CPA6: variants seen among roughly 807,000 people sequenced by gnomAD.
CPA6 encodes the protein carboxypeptidase B.
Under a neutral mutation model 63.3 loss-of-function variants are expected in CPA6, and 58 were observed. The ratio of observed to expected loss-of-function variants is 0.92; its 90% CI spans 0.74 to 1.14. CPA6 has a LOEUF of 1.14. Among genes scored for constraint, CPA6 ranks in the 50% most tolerant of loss-of-function variants. The pLI is 0.00. For synonymous variants in CPA6, 185 were observed against 179.0 expected (o/e 1.03, Z -0.27); for missense variants, 565 against 526.6 (o/e 1.07, Z -0.71).
intron 8 of CPA6, among the ~76,000 whole-genome samples, chr8:67,458,200 T>TTTATG (rs1321402933): frequency 2.6e-5 from 4 of 151,886 alleles, no homozygotes; most frequent in African/African-American, 9.7e-5. Context: ...GGCGATCACT[T>TTTATG]TATTTATTTT....
intron 2 of CPA6, among the ~76,000 whole-genome samples, chr8:67,623,411 CTTT>C (rs879384048): frequency 6.8e-6 from 1 of 147,086 alleles, no homozygotes; most frequent in Non-Finnish European, 1.5e-5. Context: ...AGAAAATTTT[CTTT>C]TTTTTTTTCT....
chr8:67,446,090 C>T (rs1810405694), intron 8 of CPA6, among the ~76,000 whole-genome samples: 1 of 152,106 alleles, frequency 6.6e-6, no homozygotes, highest in South Asian at 2.1e-4. Context: ...CCGTGAAACC[C>T]TGTCTCTACT....
At chr8:67,622,099 T>C (rs748444014) in intron 2 of CPA6, among the ~76,000 whole-genome samples, 2 of 152,240 alleles carry the variant, frequency 1.3e-5, no homozygotes, top group Non-Finnish European at 2.9e-5. Flanking sequence ...CATTACTTTG[T>C]AAGGCCTAAC....
At chr8:67,484,155 C>T (rs535666655) in intron 7 of CPA6, among the ~76,000 whole-genome samples, 4 of 152,164 alleles carry the variant, frequency 2.6e-5, no homozygotes, top group Admixed American at 6.5e-5. Context: ...CTGCAAGTTC[C>T]GCCTCCCGGG....
chr8:67,526,496 T>A (rs757158632), intron 2 of CPA6, among the ~76,000 whole-genome samples: 1 of 152,302 alleles, frequency 6.6e-6, no homozygotes, highest in South Asian at 2.1e-4. Flanking sequence ...CAGAGGAACA[T>A]TATAGTCTTG....
chr8:67,491,336 A>G (rs1811601768), intron 6 of CPA6, among the ~76,000 whole-genome samples: 1 of 151,940 alleles, frequency 6.6e-6, no homozygotes, highest in Admixed American at 6.6e-5. Flanking sequence ...TTTGAAAGTA[A>G]CGAGAAGAAA....
chr8:67,554,114 A>G (rs1336308690), intron 2 of CPA6, among the ~76,000 whole-genome samples: 1 of 152,224 alleles, frequency 6.6e-6, no homozygotes, highest in Non-Finnish European at 1.5e-5. Flanking sequence ...GGACGTGTCT[A>G]TTACACTCTT....
Position 67,510,782 on chromosome 8 carries a change from C to T in CPA6, c.432+759G>A, listed in dbSNP as rs145237452. ...TGTTTGCCTGCCACTGGAGTTACAG[C>T]GGTGAATAAGAAAGAAGTGGCCTGC... is the stretch of plus-strand genomic sequence containing the variant. On this transcript the variant is annotated intron_variant, in intron 4 of 10. Transcript: ENST00000297770. Among the ~76,000 whole-genome samples the T allele has an allele frequency of 1.0e-3, 157 of 152,170 alleles. 1 individual carries two copies. The highest frequency in any genetic ancestry group is 3.6e-3 in the African/African-American group (149 of 41,524).
chr8:67,738,761 C>A (rs1423111573), intron 1 of CPA6, among the ~76,000 whole-genome samples: 1 of 48,438 alleles, frequency 2.1e-5, no homozygotes, highest in African/African-American at 6.1e-5. Flanking sequence ...TTGTATTACG[C>A]ATTAAAGCAC....
intron 8 of CPA6, among the ~76,000 whole-genome samples, chr8:67,436,290 G>A (rs1018947047): frequency 2.0e-5 from 3 of 152,026 alleles, no homozygotes; most frequent in Admixed American, 1.3e-4. Context: ...GGAGCCCAGG[G>A]TAGGGGTTTC....
At chr8:67,631,571 C>A (rs1456192999) in intron 1 of CPA6, among the ~76,000 whole-genome samples, 1 of 151,882 alleles carries the variant, frequency 6.6e-6, no homozygotes, top group East Asian at 1.9e-4. Flanking sequence ...CCAATCAGCT[C>A]TCTGTAAAAT....
chr8:67,692,868 G>A (rs918125714), intron 1 of CPA6, among the ~76,000 whole-genome samples: 4 of 152,176 alleles, frequency 2.6e-5, no homozygotes, highest in Admixed American at 2.6e-4. Flanking sequence ...AACATTTTAA[G>A]CTGATGATAT....
At chr8:67,728,172 T>C (rs562716717) in intron 1 of CPA6, among the ~76,000 whole-genome samples, 1 of 151,152 alleles carries the variant, frequency 6.6e-6, no homozygotes, top group African/African-American at 2.4e-5. Context: ...CAAACTATTA[T>C]CTGTCCTTTG....
At chr8:67,564,828 T>C (rs942841176) in intron 2 of CPA6, among the ~76,000 whole-genome samples, 2 of 152,216 alleles carry the variant, frequency 1.3e-5, no homozygotes, top group Admixed American at 6.5e-5. Flanking sequence ...TGTGACAATA[T>C]GTCTATCCCA....
chr8:67,591,725 T>C (rs1445356600), intron 2 of CPA6, among the ~76,000 whole-genome samples: 1 of 152,168 alleles, frequency 6.6e-6, no homozygotes, highest in Non-Finnish European at 1.5e-5. Context: ...GTGATTTTTG[T>C]ACATTGATTT....
At chr8:67,476,951 A>T (rs944942458) in intron 8 of CPA6, among the ~76,000 whole-genome samples, 13 of 152,108 alleles carry the variant, frequency 8.5e-5, no homozygotes, top group African/African-American at 2.9e-4. Flanking sequence ...TTATGATCTA[A>T]ATTTCTACAT....
intron 2 of CPA6, among the ~76,000 whole-genome samples, chr8:67,522,182 C>T (rs1036365396): frequency 1.5e-4 from 23 of 151,872 alleles, no homozygotes; most frequent in Non-Finnish European, 1.8e-4. Context: ...TTTTCAGGCC[C>T]GCCCATGGAC....
intron 1 of CPA6, among the ~76,000 whole-genome samples, chr8:67,633,553 C>T (rs1435459614): frequency 1.3e-5 from 2 of 151,884 alleles, no homozygotes; most frequent in Non-Finnish European, 2.9e-5. Context: ...TGGTGGCGGG[C>T]GCCTGTAGTC....
chr8:67,587,673 C>T (rs1420068620), intron 2 of CPA6, among the ~76,000 whole-genome samples: 1 of 152,064 alleles, frequency 6.6e-6, no homozygotes, highest in African/African-American at 2.4e-5. Flanking sequence ...GCTGAGAGAG[C>T]TCCTGTTAGT....
Sources: gnomAD v4.1 joint callset for allele counts (sites outside exome capture counted in the v4.1 genomes callset) on GRCh38, gnomAD v4.1.1 for gene constraint, MANE v1.5 for transcripts, NCBI Gene and HGNC (gene_info 2026-07-23, HGNC 2026-07-21) for gene names.